Variants in PHC2 observed in about 807,000 individuals in gnomAD.
PHC2 encodes the protein polyhomeotic homolog 2.
A neutral mutation model predicts 87.4 loss-of-function variants in PHC2; 29 were observed. That is an observed-to-expected ratio of 0.33 (90% CI 0.25 to 0.45). The LOEUF is 0.45. PHC2 is among the 20% of genes least tolerant of loss of function. PHC2 has a pLI of 1.00. For synonymous variants in PHC2, 438 were observed against 461.7 expected (o/e 0.95, Z 0.66); for missense variants, 857 against 1,136.7 (o/e 0.75, Z 3.54).
rs181235475 is a variant in PHC2, at chr1:33,398,234, T to C, written c.-54-22641A>G. ...ATTCCTCAGCAGGATGTGAAATGCT[T>C]TGCAACATTTTAAATGACATTAAGT... On this transcript the variant is annotated intron_variant, in intron 1 of 14. Coordinates refer to ENST00000683057, the MANE Select transcript of PHC2 (RefSeq NM_001385109.1). Among the ~76,000 whole-genome samples the C allele has an allele frequency of 2.0e-3, 301 of 152,304 alleles. 2 individuals are homozygous for C. Among genetic ancestry groups the C allele is most frequent in the African/African-American group, 6.6e-3 (274 of 41,566 alleles).
Position 33,349,564 on chromosome 1 carries a change from T to C in PHC2, c.1558+4837A>G. The C allele has an allele frequency of 1.0e-6, 1 of 982,610 alleles. No homozygotes were observed. Among genetic ancestry groups the C allele is most frequent in the African/African-American group, 1.8e-5 (1 of 57,038 alleles). The allele number at this position is 982,610 out of a possible 1,614,324, so 60.9% of individuals were successfully genotyped here. A position where few individuals can be genotyped will look rare whatever the true frequency, so the allele number is the denominator to read the frequency against. On this transcript the variant is annotated intron_variant, in intron 9 of 14. Coordinates refer to ENST00000683057, the MANE Select transcript of PHC2 (RefSeq NM_001385109.1). The surrounding 1 kb of genome is among the most constrained non-coding windows in gnomAD (Gnocchi z 4.2). ...CGAGCGCGGCCCCCGGCCTCCCTACTGGCGAGAACCCCTCCCCCGCCCCGG... is the reference window on the plus strand; with the variant it reads ...CGAGCGCGGCCCCCGGCCTCCCTACCGGCGAGAACCCCTCCCCCGCCCCGG...
At chr1:33,384,082 T>C (rs1245882331) in intron 1 of PHC2, among the ~76,000 whole-genome samples, 4 of 152,180 alleles carry the variant, frequency 2.6e-5, no homozygotes, top group Non-Finnish European at 4.4e-5. Context: ...CAACTGAAAC[T>C]AATGGTAAAA....
At chr1:33,352,496 C>G (rs1646992263) in intron 9 of PHC2, among the ~76,000 whole-genome samples, 1 of 152,124 alleles carries the variant, frequency 6.6e-6, no homozygotes, top group Admixed American at 6.5e-5. Context: ...AGAGAGGGCT[C>G]AGTAAATATT....
At chr1:33,343,299 A>G (rs1265764136) in intron 9 of PHC2, among the ~76,000 whole-genome samples, 1 of 147,924 alleles carries the variant, frequency 6.8e-6, no homozygotes, top group Non-Finnish European at 1.5e-5. Flanking sequence ...TGTCTCTAGT[A>G]AAAATACAAA....
Position 33,331,700 on chromosome 1 carries a change from C to G in PHC2, c.1892-238G>C. On this transcript the variant is annotated intron_variant, in intron 11 of 14. Coordinates refer to ENST00000683057, the MANE Select transcript of PHC2 (RefSeq NM_001385109.1). The surrounding 1 kb of genome is among the most constrained non-coding windows in gnomAD (Gnocchi z 5.2). ...TTTTTTTCTTCCACGTGGTCTGAGT[C>G]TGAGGCAAAACACAGGTGGGGAAGA... is the stretch of plus-strand genomic sequence containing the variant. 2.3e-6 allele frequency: 1 copy of G among 439,656 alleles called. No homozygotes were observed. The highest frequency in any genetic ancestry group is 4.0e-6 in the Non-Finnish European group (1 of 247,262). The allele number at this position is 439,656 out of a possible 1,614,324, so 27.2% of individuals were successfully genotyped here. A position where few individuals can be genotyped will look rare whatever the true frequency, so the allele number is the denominator to read the frequency against.
intron 8 of PHC2, 75 bp from the exon 9 acceptor site, chr1:33,354,641 A>G (rs1238976312): frequency 3.4e-5 from 51 of 1,486,636 alleles, no homozygotes; most frequent in Non-Finnish European, 4.2e-5. Context: ...CCTGGTTTCC[A>G]TGGAGCTTGG....
At chr1:33,418,359 GAGAA>G (rs768950553) in intron 1 of PHC2, among the ~76,000 whole-genome samples, 4 of 116,628 alleles carry the variant, frequency 3.4e-5, no homozygotes, top group Non-Finnish European at 6.4e-5. Flanking sequence ...GAGCAAGAGA[GAGAA>G]AGAGAGTGAG....
chr1:33,374,483 G>A (rs1294789478), intron 2 of PHC2, among the ~76,000 whole-genome samples: 1 of 152,118 alleles, frequency 6.6e-6, no homozygotes, highest in African/African-American at 2.4e-5. Context: ...AAGAGTCCAG[G>A]GTATCTGATG....
At chr1:33,335,693 A>C (rs1198935650) in intron 9 of PHC2, among the ~76,000 whole-genome samples, 1 of 152,190 alleles carries the variant, frequency 6.6e-6, no homozygotes, top group African/African-American at 2.4e-5. Flanking sequence ...CCAGGTCAAG[A>C]GTTGAAGACC....
intron 2 of PHC2, 101 bp from the exon 3 acceptor site, chr1:33,372,548 G>T: frequency 1.9e-6 from 2 of 1,040,232 alleles, no homozygotes; most frequent in South Asian, 2.4e-5. Flanking sequence ...ATAACTGCTC[G>T]GGAGACACCA....
Position 33,356,271 on chromosome 1 carries a change from A to ATG in PHC2, c.977-1019_977-1018insCA, listed in dbSNP as rs60212622. On this transcript the variant is annotated intron_variant, in intron 7 of 14. Coordinates refer to ENST00000683057, the MANE Select transcript of PHC2 (RefSeq NM_001385109.1). ...TTCTTATATATATATATATATATATATATATGTATATATATATATATATTT... is the reference window on the plus strand; with the variant it reads ...TTCTTATATATATATATATATATATATGTATATGTATATATATATATATATTT... Among the ~76,000 whole-genome samples, 741 of 86,784 alleles carry ATG rather than the reference A, an allele frequency of 8.5e-3. 3 individuals are homozygous for ATG. The highest frequency in any genetic ancestry group is 0.013 in the African/African-American group (265 of 20,678). 56.9% of individuals were successfully genotyped at this position (86,784 alleles called of 152,430 possible). A position where few individuals can be genotyped will look rare whatever the true frequency, so the allele number is the denominator to read the frequency against.
At chr1:33,325,695 C>T in intron 14 of PHC2, 1 of 341,850 alleles carries the variant, frequency 2.9e-6, no homozygotes. Flanking sequence ...GATTCCTGAC[C>T]CACATGGCCC....
At chr1:33,396,436 C>T (rs6675371) in intron 1 of PHC2, among the ~76,000 whole-genome samples, 26,235 of 152,166 alleles carry the variant, frequency 0.17, 2,793 homozygotes, top group South Asian at 0.27. Flanking sequence ...CCCATTTATT[C>T]TGCATAATTG....
chr1:33,372,497 A>G (rs962797655), intron 2 of PHC2, 50 bp from the exon 3 acceptor site: 42 of 1,452,116 alleles, frequency 2.9e-5, no homozygotes, highest in Non-Finnish European at 3.8e-5. Context: ...GCCACACAGA[A>G]CACCCCTTTG....
intron 9 of PHC2, chr1:33,346,084 G>A (rs1570466088): frequency 1.0e-6 from 1 of 985,116 alleles, no homozygotes; most frequent in South Asian, 4.7e-5. Context: ...CATCTTGAGG[G>A]GTAGTTCAGT....
intron 1 of PHC2, among the ~76,000 whole-genome samples, chr1:33,411,421 C>G (rs958965772): frequency 1.0e-4 from 15 of 150,466 alleles, no homozygotes; most frequent in Non-Finnish European, 1.6e-4. Flanking sequence ...CAAAAATGCA[C>G]AGAGAAACAT....
intron 1 of PHC2, among the ~76,000 whole-genome samples, chr1:33,385,747 G>A (rs1648710229): frequency 6.6e-6 from 1 of 152,068 alleles, no homozygotes; most frequent in African/African-American, 2.4e-5. Context: ...GTTATAGTCA[G>A]CACAGTGTTC....
intron 7 of PHC2, among the ~76,000 whole-genome samples, chr1:33,360,587 A>C (rs1477227389): frequency 6.6e-6 from 1 of 152,266 alleles, no homozygotes; most frequent in South Asian, 2.1e-4. Context: ...AACCACAAAG[A>C]GATTCACTGC....
At chr1:33,378,796 T>C (rs916164598) in intron 1 of PHC2, among the ~76,000 whole-genome samples, 2 of 152,170 alleles carry the variant, frequency 1.3e-5, no homozygotes, top group Middle Eastern at 3.4e-3. Context: ...CTTCTACCCA[T>C]TCCTTCCTAC....
Sources: gnomAD v4.1 joint callset for allele counts (sites outside exome capture counted in the v4.1 genomes callset) on GRCh38, gnomAD v4.1.1 for gene constraint, Gnocchi (gnomAD v3.1) non-coding constraint, MANE v1.5 for transcripts, NCBI Gene and HGNC (gene_info 2026-07-23, HGNC 2026-07-21) for gene names.